The following FCRL5 variants were observed in gnomAD, a reference collection of about 807,000 sequenced individuals.
FCRL5 encodes the protein Fc receptor like 5, also known as Fc receptor-like protein 5.
A neutral mutation model predicts 92.1 loss-of-function variants in FCRL5; 79 were observed. That is an observed-to-expected ratio of 0.86 (90% CI 0.72 to 1.03). The LOEUF is 1.03. Among genes scored for constraint, FCRL5 ranks in the 50% least tolerant of loss-of-function variants. The pLI is 0.00. For synonymous variants in FCRL5, 466 were observed against 469.3 expected (o/e 0.99, Z 0.09); for missense variants, 1,160 against 1,181.1 (o/e 0.98, Z 0.26).
At chr1:157,530,039 A>G (rs1208059748) in intron 8 of FCRL5, among the ~76,000 whole-genome samples, 1 of 152,224 alleles carries the variant, frequency 6.6e-6, no homozygotes, top group African/African-American at 2.4e-5. Flanking sequence ...TAAAAATAAA[A>G]AGTTTTACCA....
chr1:157,520,546 C>T lies in FCRL5; in HGVS notation c.2517G>A (p.Gly839=). 1.3e-6 allele frequency: 2 copies of T among 1,583,694 alleles called. No homozygotes were observed. The highest frequency in any genetic ancestry group is 1.7e-6 in the Non-Finnish European group (2 of 1,164,954). The change falls in exon 12 of 17, where the codon GGG becomes GGA. Residue 839 remains glycine (G), a splice_region_variant and synonymous_variant. Coordinates refer to ENST00000361835, the MANE Select transcript of FCRL5 (RefSeq NM_031281.3). ...AAGGGCCACTTCTGTTCGCGGTCAG[C>T]CCTGAGGGGGAGACCCTGTGTGTGA... ...RSETVTLYIT[G]LTANRSGPFA...
At chr1:157,524,148 C>T (rs1259280921) in intron 10 of FCRL5, 131 bp downstream of exon 10, 1 of 884,696 alleles carries the variant, frequency 1.1e-6, no homozygotes, top group South Asian at 1.8e-5. Flanking sequence ...GGAGGTTCTG[C>T]AGGCAGGAAG....
At chr1:157,549,387 T>A (rs966178889) in intron 2 of FCRL5, among the ~76,000 whole-genome samples, 173 bp downstream of exon 2, 39 of 151,952 alleles carry the variant, frequency 2.6e-4, no homozygotes, top group Non-Finnish European at 1.2e-4. Flanking sequence ...TATACATATA[T>A]AACAAACCTG....
chr1:157,545,825 G>A (rs1158218914), intron 3 of FCRL5, among the ~76,000 whole-genome samples: 21 of 152,154 alleles, frequency 1.4e-4, no homozygotes, highest in Non-Finnish European at 2.8e-4. Flanking sequence ...ACCGCGCCTG[G>A]CCAGGTATTC....
At chr1:157,551,899 G>A (rs1159884943) in intron 1 of FCRL5, among the ~76,000 whole-genome samples, 1 of 152,176 alleles carries the variant, frequency 6.6e-6, no homozygotes, top group East Asian at 1.9e-4. Flanking sequence ...AGAAAGACCT[G>A]TCTTTCCCGT....
In FCRL5 at chr1:157,527,807, C is replaced by T. The variant is rs73011545; in HGVS notation, c.1770G>A (p.Pro590=). Residue 590 remains proline (P), a synonymous_variant, in exon 9 of 17, where the codon CCG becomes CCA. Transcript: ENST00000361835. ...AGTACAGGATTGGGGGAGAGCCTCT[C>T]GGGGCCTCACAGTGAAGCTCCAGCA... ...GDLLELHCEA[P]RGSPPILYWF... is the part of the protein sequence containing the mutation. 21,172 of 1,613,512 alleles carry T rather than the reference C, an allele frequency of 0.013. 783 individuals carry two copies. The East Asian group carries it at 0.15, about 12-fold the overall frequency.
chr1:157,549,176 A>G (rs1209300159), intron 2 of FCRL5, among the ~76,000 whole-genome samples: 8 of 151,380 alleles, frequency 5.3e-5, no homozygotes, highest in Admixed American at 4.6e-4. Context: ...TCAGCAAACT[A>G]TTGCAAGGAC....
intron 2 of FCRL5, among the ~76,000 whole-genome samples, chr1:157,547,770 G>A (rs1651626185): frequency 6.6e-6 from 1 of 152,164 alleles, no homozygotes; most frequent in East Asian, 1.9e-4. Flanking sequence ...GTTACAGCTG[G>A]GGCCACTGAT....
chr1:157,525,516 AGTCT>A (rs1650389020), intron 9 of FCRL5, among the ~76,000 whole-genome samples: 1 of 152,228 alleles, frequency 6.6e-6, no homozygotes, highest in Admixed American at 6.5e-5. Flanking sequence ...GAAGTCTATA[AGTCT>A]ATCTATGCAG....
chr1:157,518,691 G>C lies in FCRL5; in HGVS notation c.2743+9C>G, dbSNP rs779974564. 7 of 1,607,578 alleles carry C rather than the reference G, an allele frequency of 4.4e-6. No homozygotes were observed. In the East Asian group the frequency reaches 1.3e-4, roughly 31 times the overall value. ...AGCTTCTGCCAAATGCAGGATCCTC[G>C]GGCCTCACCATTAGTGTACACTGGT... On this transcript the variant is annotated intron_variant, in intron 14 of 16. Transcript: ENST00000361835.
chr1:157,516,836 T>C (rs1344937226), intron 15 of FCRL5, among the ~76,000 whole-genome samples: 1 of 152,182 alleles, frequency 6.6e-6, no homozygotes, highest in East Asian at 1.9e-4. Flanking sequence ...GGTGATTGAC[T>C]ATAAGATTTC....
At chr1:157,516,941 T>C (rs183244177) in intron 15 of FCRL5, among the ~76,000 whole-genome samples, 2 of 152,308 alleles carry the variant, frequency 1.3e-5, no homozygotes, top group African/African-American at 4.8e-5. Context: ...TAAGAGTGAA[T>C]GAGTTCACAT....
intron 13 of FCRL5, chr1:157,519,059 C>T (rs12122150): frequency 7.3e-4 from 198 of 269,898 alleles, no homozygotes; most frequent in African/African-American, 2.6e-3. Flanking sequence ...CTGAAACAAA[C>T]GGAGGCTCCA....
intron 7 of FCRL5, among the ~76,000 whole-genome samples, chr1:157,537,691 G>A (rs1205965808): frequency 1.3e-5 from 2 of 152,090 alleles, no homozygotes; most frequent in Admixed American, 6.6e-5. Flanking sequence ...GGAACCTGCC[G>A]ACATGTGATG....
intron 8 of FCRL5, chr1:157,532,567 G>A (rs1650748209): frequency 6.6e-6 from 1 of 151,738 alleles, no homozygotes; most frequent in Non-Finnish European, 1.5e-5. Flanking sequence ...TACATTTTCA[G>A]TGTTCATAAT....
At chr1:157,529,546 C>T (rs1164115419) in intron 8 of FCRL5, among the ~76,000 whole-genome samples, 1 of 152,076 alleles carries the variant, frequency 6.6e-6, no homozygotes. Context: ...GGAACCAGCC[C>T]AAATGCCCAT....
chr1:157,518,775 A>T lies in FCRL5; in HGVS notation c.2668T>A (p.Ser890Thr). 3 of 1,611,430 alleles carry T rather than the reference A, an allele frequency of 1.9e-6. No homozygotes were observed. In the South Asian group the frequency reaches 3.3e-5, roughly 18 times the overall value. ...KPASDPARSPSDSDSQEPTYH... is the reference protein window; with the variant it reads ...KPASDPARSPTDSDSQEPTYH... ...GTGGGCTCTTGGGAGTCCGAGTCTG[A>T]AGGGCTCCTGTGAGACAGAGAAATG... Residue 890 changes from serine (S) to threonine (T), a missense_variant, in exon 14 of 17, where the codon TCA becomes ACA. By Grantham distance (58) the Ser-to-Thr change is moderately conservative. Transcript: ENST00000361835.
At chr1:157,526,850 A>C (rs151316214) in intron 9 of FCRL5, among the ~76,000 whole-genome samples, 12 of 152,150 alleles carry the variant, frequency 7.9e-5, no homozygotes, top group Non-Finnish European at 1.0e-4. Context: ...GTTGTCAGAT[A>C]ATAAGGGCTT....
In FCRL5 at chr1:157,524,217, C is replaced by A. The variant is rs559696002; in HGVS notation, c.2239+62G>T. 23 of 1,580,744 alleles carry A rather than the reference C, an allele frequency of 1.5e-5. No individual in the cohort carries two copies. The African/African-American group carries it at 1.7e-4, about 12-fold the overall frequency. On this transcript the variant is annotated intron_variant, in intron 10 of 16. Coordinates refer to ENST00000361835, the MANE Select transcript of FCRL5 (RefSeq NM_031281.3). ...AGGAGCTCTGTGGCTCCATTTTCAG[C>A]TGCAGGGAGAACAGGCACAGTCAGT...
Sources: allele counts gnomAD v4.1 joint callset (sites outside exome capture counted in the v4.1 genomes callset), GRCh38; gene constraint gnomAD v4.1.1; transcripts MANE v1.5; gene names NCBI Gene and HGNC (gene_info 2026-07-23, HGNC 2026-07-21).